The following HPSE2 variants were observed in gnomAD, a reference collection of about 807,000 sequenced individuals.
The protein encoded by HPSE2 is heparanase 2 (inactive), also known as inactive heparanase-2.
Under a neutral mutation model 60.5 loss-of-function variants are expected in HPSE2, and 38 were observed. The observed-to-expected ratio is 0.63, with a 90% CI of 0.48 to 0.82. HPSE2 has a LOEUF of 0.82. HPSE2 is among the 40% of genes least tolerant of loss of function. The probability of loss-of-function intolerance (pLI) is 0.00; values close to 1 mark genes in which losing one functional copy is unlikely to be tolerated. For missense variants in HPSE2, 713 were observed against 740.4 expected (o/e 0.96, Z 0.43); for synonymous variants, 295 against 293.2 (o/e 1.01, Z -0.06).
rs760730704 is a variant in HPSE2 at position 99,188,567 on chromosome 10, T to C, written c.448+43781A>G. ...ATCTAATTGAGATATCTACTAAATA[T>C]ACTGGAAACAACAGCAAATCATACA... On this transcript the variant is annotated intron_variant, in intron 2 of 11. Coordinates refer to ENST00000370552, the MANE Select transcript of HPSE2 (RefSeq NM_021828.5). 2.8e-4 allele frequency among the ~76,000 whole-genome samples: 42 copies of C among 152,222 alleles called. 1 individual carries two copies. The highest frequency in any genetic ancestry group is 1.5e-3 in the South Asian group (7 of 4,818).
the HPSE2 span, among the ~76,000 whole-genome samples, chr10:99,308,525 T>A: frequency 1.3e-5 from 2 of 152,130 alleles, no homozygotes; most frequent in East Asian, 3.9e-4. Flanking sequence ...TTGAAAACAT[T>A]ATACGAAATT....
chr10:99,222,918 C>T (rs1011749057), intron 2 of HPSE2, among the ~76,000 whole-genome samples: 1 of 152,198 alleles, frequency 6.6e-6, no homozygotes, highest in African/African-American at 2.4e-5. Flanking sequence ...ATATGGCACA[C>T]ATTTTTTTAA....
At chr10:99,269,408 T>C in the HPSE2 span, among the ~76,000 whole-genome samples, 1 of 151,954 alleles carries the variant, frequency 6.6e-6, no homozygotes, top group African/African-American at 2.4e-5. Flanking sequence ...AAAATATCAG[T>C]CCTAAATATA....
intron 3 of HPSE2, among the ~76,000 whole-genome samples, chr10:98,877,167 C>T (rs573431904): frequency 1.3e-4 from 20 of 151,862 alleles, no homozygotes; most frequent in Non-Finnish European, 2.9e-4. Context: ...ATTTGACTGA[C>T]TGAATTTCCT....
At chr10:98,759,105 A>C (rs1188610958) in intron 3 of HPSE2, among the ~76,000 whole-genome samples, 1 of 152,130 alleles carries the variant, frequency 6.6e-6, no homozygotes, top group Non-Finnish European at 1.5e-5. Context: ...AACACTGCAC[A>C]TTCTCACTGA....
chr10:98,572,496 T>C (rs1015219720), intron 9 of HPSE2, among the ~76,000 whole-genome samples: 3 of 152,110 alleles, frequency 2.0e-5, no homozygotes, highest in Admixed American at 2.0e-4. Flanking sequence ...CTCATGTGCA[T>C]TACGGATGCC....
At chr10:98,468,811 A>T (rs1168259645) in intron 11 of HPSE2, among the ~76,000 whole-genome samples, 1 of 152,066 alleles carries the variant, frequency 6.6e-6, no homozygotes, top group African/African-American at 2.4e-5. Flanking sequence ...AGAGAGAGAA[A>T]ATGGGGAAAA....
At chr10:98,696,526 C>T (rs1186830399) in intron 5 of HPSE2, among the ~76,000 whole-genome samples, 3 of 152,122 alleles carry the variant, frequency 2.0e-5, no homozygotes, top group Admixed American at 6.5e-5. Flanking sequence ...GGAAAATGTG[C>T]TTTTTCCATG....
intron 3 of HPSE2, among the ~76,000 whole-genome samples, chr10:98,770,383 A>G (rs1302715690): frequency 1.3e-5 from 2 of 152,094 alleles, no homozygotes; most frequent in Non-Finnish European, 2.9e-5. Flanking sequence ...AAAATGCACC[A>G]CTCACATCTG....
chr10:98,546,492 T>C (rs1156916420), intron 9 of HPSE2, among the ~76,000 whole-genome samples: 5 of 151,106 alleles, frequency 3.3e-5, no homozygotes, highest in African/African-American at 1.2e-4. Flanking sequence ...CCCTCAGAAA[T>C]AACGCCGCAT....
chr10:99,175,288 G>C (rs1394411162), intron 2 of HPSE2, among the ~76,000 whole-genome samples: 1 of 152,162 alleles, frequency 6.6e-6, no homozygotes, highest in African/African-American at 2.4e-5. Flanking sequence ...TACTCCCCCA[G>C]AAAGGGGGCT....
At chr10:99,165,703 T>C (rs932355130) in intron 2 of HPSE2, among the ~76,000 whole-genome samples, 1 of 151,930 alleles carries the variant, frequency 6.6e-6, no homozygotes, top group Non-Finnish European at 1.5e-5. Context: ...CGTGTCACCA[T>C]GCCCCGCTAA....
rs566871375 is a variant in HPSE2, at chr10:98,936,558, C to T, written c.611-192502G>A. Among the ~76,000 whole-genome samples, 5 of 143,804 alleles carry T rather than the reference C, an allele frequency of 3.5e-5. 1 individual carries two copies. The South Asian group carries it at 1.1e-3, about 30-fold the overall frequency. 94.3% of individuals were successfully genotyped at this position (143,804 alleles called of 152,430 possible). On this transcript the variant is annotated intron_variant, in intron 3 of 11. Coordinates refer to ENST00000370552, the MANE Select transcript of HPSE2 (RefSeq NM_021828.5). ...AGGGAGGTGCCCCCAACTCCGTGCACTTCCCAGGTGAAGTGACGCCCCACC... is the reference window on the plus strand; with the variant it reads ...AGGGAGGTGCCCCCAACTCCGTGCATTTCCCAGGTGAAGTGACGCCCCACC...
chr10:98,535,006 C>G (rs1412577089), intron 9 of HPSE2, among the ~76,000 whole-genome samples: 7 of 152,284 alleles, frequency 4.6e-5, no homozygotes, highest in Middle Eastern at 3.4e-3. Flanking sequence ...GAGAACCTTC[C>G]CTTCCACCCG....
intron 3 of HPSE2, among the ~76,000 whole-genome samples, chr10:99,109,498 T>C (rs1480833724): frequency 6.6e-6 from 1 of 152,162 alleles, no homozygotes; most frequent in Non-Finnish European, 1.5e-5. Context: ...GAATAGATTA[T>C]TTCGCAGCTG....
intron 2 of HPSE2, among the ~76,000 whole-genome samples, chr10:99,228,001 G>T (rs1346053127): frequency 6.6e-6 from 1 of 151,578 alleles, no homozygotes; most frequent in Non-Finnish European, 1.5e-5. Flanking sequence ...AGAAAGAAGA[G>T]ATCACTGTGG....
intron 3 of HPSE2, among the ~76,000 whole-genome samples, chr10:98,912,332 C>A (rs957590652): frequency 6.6e-6 from 1 of 152,200 alleles, no homozygotes; most frequent in African/African-American, 2.4e-5. Flanking sequence ...GAATGTAGGT[C>A]TCTCTTCTTT....
chr10:98,720,659 G>A (rs933348321), intron 5 of HPSE2, among the ~76,000 whole-genome samples: 1 of 152,056 alleles, frequency 6.6e-6, no homozygotes, highest in Non-Finnish European at 1.5e-5. Flanking sequence ...ATAAATAACC[G>A]ATTTGTATAA....
At chr10:98,470,686 T>G (rs775559820) in intron 11 of HPSE2, among the ~76,000 whole-genome samples, 13 of 152,224 alleles carry the variant, frequency 8.5e-5, no homozygotes, top group African/African-American at 1.9e-4. Context: ...ATCAACTGTT[T>G]AGAAATATGT....
Sources: allele counts gnomAD v4.1 joint callset (sites outside exome capture counted in the v4.1 genomes callset), GRCh38; gene constraint gnomAD v4.1.1; transcripts MANE v1.5; gene names NCBI Gene and HGNC (gene_info 2026-07-23, HGNC 2026-07-21).